The following PLD5 variants were observed in gnomAD, a reference collection of about 807,000 sequenced individuals.
The protein encoded by PLD5 is phospholipase D family member 5.
Under a neutral mutation model 61.1 loss-of-function variants are expected in PLD5, and 36 were observed. The observed-to-expected ratio is 0.59, with a 90% CI of 0.45 to 0.78. The LOEUF is 0.78. PLD5 is among the 30% of genes least tolerant of loss of function. The pLI, the probability that PLD5 is intolerant of heterozygous loss-of-function variation, is 0.00. For synonymous variants in PLD5, 243 were observed against 242.8 expected (o/e 1.00, Z -0.01); for missense variants, 515 against 644.4 (o/e 0.80, Z 2.17).
At chr1:242,299,345 C>T (rs1201270614) in intron 2 of PLD5, among the ~76,000 whole-genome samples, 3 of 152,166 alleles carry the variant, frequency 2.0e-5, no homozygotes, top group Non-Finnish European at 4.4e-5. Flanking sequence ...ACTATAGTCA[C>T]CCTGTTGTGC....
chr1:242,331,205 G>A lies in PLD5; in HGVS notation c.326+16901C>T, dbSNP rs574961248. ...CAGTTCCTGACACAAACAAGCTTGC[G>A]TTCTAGAAGAGACGACAGTTTAGCG... is the stretch of plus-strand genomic sequence containing the variant. On this transcript the variant is annotated intron_variant, in intron 2 of 9. Coordinates refer to ENST00000536534, the MANE Select transcript of PLD5 (RefSeq NM_001372062.1). Among the ~76,000 whole-genome samples the A allele has an allele frequency of 2.5e-4, 38 of 152,218 alleles. 1 individual carries two copies. The South Asian group carries it at 4.3e-3, about 17-fold the overall frequency.
At chr1:242,342,349 G>T (rs540425028) in intron 2 of PLD5, among the ~76,000 whole-genome samples, 1 of 152,268 alleles carries the variant, frequency 6.6e-6, no homozygotes, top group African/African-American at 2.4e-5. Flanking sequence ...CCTCTGAAAG[G>T]GTGGGTGTTC....
At chr1:242,221,365 C>T (rs759355367) in intron 4 of PLD5, among the ~76,000 whole-genome samples, 1 of 152,212 alleles carries the variant, frequency 6.6e-6, no homozygotes, top group African/African-American at 2.4e-5. Context: ...TTAACGAAGA[C>T]GATGTATTCC....
chr1:242,413,612 A>C (rs546454039), intron 1 of PLD5, among the ~76,000 whole-genome samples: 1 of 152,320 alleles, frequency 6.6e-6, no homozygotes, highest in South Asian at 2.1e-4. Context: ...ATGCATCTAC[A>C]TATAAGTTTA....
At chr1:242,406,631 C>A (rs975945703) in intron 1 of PLD5, among the ~76,000 whole-genome samples, 2 of 152,214 alleles carry the variant, frequency 1.3e-5, no homozygotes, top group South Asian at 4.1e-4. Flanking sequence ...GAAACCAGCT[C>A]TGACATTAGT....
intron 2 of PLD5, among the ~76,000 whole-genome samples, chr1:242,294,803 GA>G (rs901064411): frequency 6.1e-4 from 93 of 152,092 alleles, no homozygotes; most frequent in African/African-American, 2.0e-3. Flanking sequence ...ACTTATAATT[GA>G]AAAAAATGTC....
chr1:242,141,923 T>G (rs959715764), intron 5 of PLD5, among the ~76,000 whole-genome samples: 3 of 152,238 alleles, frequency 2.0e-5, no homozygotes, highest in Admixed American at 6.5e-5. Flanking sequence ...CCAGATTTGA[T>G]CTTTCTTAGG....
chr1:242,487,737 G>C (rs886900225), intron 1 of PLD5, among the ~76,000 whole-genome samples: 2 of 152,040 alleles, frequency 1.3e-5, no homozygotes, highest in African/African-American at 4.8e-5. Flanking sequence ...GATCTGAACA[G>C]ATACCTCACT....
At chr1:242,345,769 T>C (rs1660094093) in intron 2 of PLD5, 1 of 596,476 alleles carries the variant, frequency 1.7e-6, no homozygotes, top group African/African-American at 1.8e-5. Flanking sequence ...AAACAACAGG[T>C]TGGAAACTGG....
At chr1:242,304,121 T>C (rs1397642941) in intron 2 of PLD5, among the ~76,000 whole-genome samples, 1 of 152,206 alleles carries the variant, frequency 6.6e-6, no homozygotes, top group East Asian at 1.9e-4. Flanking sequence ...TGGGAAAGAT[T>C]CCTCAAAGGA....
intron 1 of PLD5, among the ~76,000 whole-genome samples, chr1:242,352,924 T>G (rs1226139203): frequency 6.6e-6 from 1 of 152,208 alleles, no homozygotes. Flanking sequence ...GTTTCTTGTA[T>G]AGTTTGGATA....
chr1:242,251,639 G>T (rs1235341572), intron 4 of PLD5, among the ~76,000 whole-genome samples: 1 of 152,108 alleles, frequency 6.6e-6, no homozygotes, highest in Non-Finnish European at 1.5e-5. Flanking sequence ...GGCAGGCATT[G>T]GGTGGGGAAC....
chr1:242,319,371 T>G (rs190105657), intron 2 of PLD5, among the ~76,000 whole-genome samples: 74 of 150,798 alleles, frequency 4.9e-4, no homozygotes, highest in Middle Eastern at 3.4e-3. Flanking sequence ...AAATAAATAC[T>G]GATACTTACA....
intron 4 of PLD5, among the ~76,000 whole-genome samples, chr1:242,241,951 TTA>T (rs1299771015): frequency 3.0e-5 from 4 of 131,244 alleles, no homozygotes; most frequent in African/African-American, 1.1e-4. Flanking sequence ...TATATACTAC[TTA>T]TATATATGCT....
chr1:242,230,819 C>T (rs149025522), intron 4 of PLD5, among the ~76,000 whole-genome samples: 3 of 152,298 alleles, frequency 2.0e-5, no homozygotes, highest in African/African-American at 7.2e-5. Context: ...TGCTTTGATG[C>T]TTCATTTTTA....
chr1:242,178,135 C>G (rs1288319896), intron 5 of PLD5, among the ~76,000 whole-genome samples: 1 of 152,218 alleles, frequency 6.6e-6, no homozygotes, highest in African/African-American at 2.4e-5. Flanking sequence ...AAAGCTTATC[C>G]AGCATCTAGA....
intron 1 of PLD5, among the ~76,000 whole-genome samples, chr1:242,444,870 A>G (rs115992183): frequency 0.011 from 1,730 of 151,650 alleles, 33 homozygotes; most frequent in African/African-American, 0.04. Context: ...CATGTGATAT[A>G]TATTAAAGAG....
At chr1:242,111,538 G>A (rs960802937) in intron 7 of PLD5, among the ~76,000 whole-genome samples, 4 of 151,624 alleles carry the variant, frequency 2.6e-5, no homozygotes, top group African/African-American at 9.7e-5. Context: ...TCTTTCATCT[G>A]GATGTTTGGC....
At chr1:242,146,289 C>G (rs1664536786) in intron 5 of PLD5, among the ~76,000 whole-genome samples, 1 of 152,160 alleles carries the variant, frequency 6.6e-6, no homozygotes, top group Non-Finnish European at 1.5e-5. Flanking sequence ...ATTCAGTAGA[C>G]TTCACTTCCT....
Sources: gnomAD v4.1 joint callset for allele counts (sites outside exome capture counted in the v4.1 genomes callset) on GRCh38, gnomAD v4.1.1 for gene constraint, MANE v1.5 for transcripts, NCBI Gene and HGNC (gene_info 2026-07-23, HGNC 2026-07-21) for gene names.